Variants in KCNH8 observed in about 807,000 individuals in gnomAD.
The protein encoded by KCNH8 is voltage-gated delayed rectifier potassium channel KCNH8.
In KCNH8, 70 loss-of-function variants were observed where a neutral mutation model predicts 103.6. The ratio of observed to expected loss-of-function variants is 0.68; its 90% CI spans 0.56 to 0.82. The LOEUF (loss-of-function observed/expected upper bound fraction) is 0.82. KCNH8 is among the 40% of genes least tolerant of loss of function. The pLI, the probability that KCNH8 is intolerant of heterozygous loss-of-function variation, is 0.00. For synonymous variants in KCNH8, 498 were observed against 489.4 expected (o/e 1.02, Z -0.23); for missense variants, 1,217 against 1,329.9 (o/e 0.92, Z 1.32).
At chr3:19,473,206 GTCT>G (rs2067899546) in intron 11 of KCNH8, among the ~76,000 whole-genome samples, 1 of 152,298 alleles carries the variant, frequency 6.6e-6, no homozygotes, top group Non-Finnish European at 1.5e-5. Context: ...AAATGGGTTA[GTCT>G]TCTTCTGATT....
At chr3:19,419,381 T>C (rs1368957121) in intron 7 of KCNH8, among the ~76,000 whole-genome samples, 2 of 151,192 alleles carry the variant, frequency 1.3e-5, no homozygotes, top group Admixed American at 6.6e-5. Flanking sequence ...TTTGTATTTT[T>C]AGTAGAGACG....
At chr3:19,404,656 G>C (rs190624541) in intron 7 of KCNH8, among the ~76,000 whole-genome samples, 63 of 151,914 alleles carry the variant, frequency 4.1e-4, no homozygotes, top group African/African-American at 1.4e-3. Flanking sequence ...TGATCTTAGG[G>C]TGGCCTAAAA....
chr3:19,331,944 G>A (rs1166672326), intron 3 of KCNH8, among the ~76,000 whole-genome samples: 2 of 151,990 alleles, frequency 1.3e-5, no homozygotes, highest in African/African-American at 4.8e-5. Context: ...TGTTTTACTT[G>A]TGAAGATCCA....
chr3:19,204,032 T>G (rs2063688990), intron 1 of KCNH8, among the ~76,000 whole-genome samples: 1 of 152,118 alleles, frequency 6.6e-6, no homozygotes, highest in Admixed American at 6.6e-5. Context: ...CAATATATTT[T>G]AAAACCAAAT....
At chr3:19,266,883 C>T (rs1016229800) in intron 2 of KCNH8, among the ~76,000 whole-genome samples, 1 of 152,024 alleles carries the variant, frequency 6.6e-6, no homozygotes, top group Non-Finnish European at 1.5e-5. Flanking sequence ...AATTCCTTTG[C>T]TGGAATATTT....
intron 11 of KCNH8, among the ~76,000 whole-genome samples, chr3:19,490,528 T>G (rs2068296517): frequency 1.3e-5 from 2 of 152,204 alleles, no homozygotes; most frequent in South Asian, 2.1e-4. Flanking sequence ...ATGTCTGTAA[T>G]CTATAGATAA....
At chr3:19,523,804 T>G (rs189649796) in intron 15 of KCNH8, among the ~76,000 whole-genome samples, 6 of 151,944 alleles carry the variant, frequency 3.9e-5, no homozygotes, top group Admixed American at 3.9e-4. Flanking sequence ...TAGGAAAATT[T>G]TGTTTCTCAT....
At chr3:19,480,784 A>G (rs1265839201) in intron 11 of KCNH8, among the ~76,000 whole-genome samples, 2 of 152,206 alleles carry the variant, frequency 1.3e-5, no homozygotes, top group East Asian at 1.9e-4. Flanking sequence ...TACAGATAGT[A>G]TGAGTACTAA....
intron 3 of KCNH8, among the ~76,000 whole-genome samples, chr3:19,298,718 C>T (rs575271906): frequency 4.1e-4 from 62 of 151,794 alleles, no homozygotes; most frequent in African/African-American, 1.3e-3. Context: ...GTCAGGAGAT[C>T]GAGACCATCC....
chr3:19,450,086 T>C lies in KCNH8; in HGVS notation c.1376-20T>C, dbSNP rs151112283. Reference sequence around the variant, plus strand: ...CATGTCACATTTCTCTTCCATTATATACTGTGTTGTTCTTTCTAGCCTTGA... The same window carrying C: ...CATGTCACATTTCTCTTCCATTATACACTGTGTTGTTCTTTCTAGCCTTGA... On this transcript the variant is annotated intron_variant, in intron 8 of 15. Coordinates refer to ENST00000328405, the MANE Select transcript of KCNH8 (RefSeq NM_144633.3). The C allele has an allele frequency of 1.2e-6, 2 of 1,606,220 alleles. No homozygotes were observed. Among genetic ancestry groups the C allele is most frequent in the Non-Finnish European group, 1.7e-6 (2 of 1,173,624 alleles).
At chr3:19,220,457 G>A (rs906394759) in intron 1 of KCNH8, among the ~76,000 whole-genome samples, 1 of 152,238 alleles carries the variant, frequency 6.6e-6, no homozygotes. Flanking sequence ...GGTAAGATTG[G>A]TGACGTGTAG....
rs529181856 is a variant in KCNH8, at chr3:19,160,449, G to A, written c.76+11654G>A. ...ATCATGTAACCACCACCACAGTCAA[G>A]ATTTAGAACAACATCCTCAGCCCCA... On this transcript the variant is annotated intron_variant, in intron 1 of 15. Coordinates refer to ENST00000328405, the MANE Select transcript of KCNH8 (RefSeq NM_144633.3). Among the ~76,000 whole-genome samples, 4 of 152,170 alleles carry A rather than the reference G, an allele frequency of 2.6e-5. No individual in the cohort carries two copies. In the South Asian group the frequency reaches 8.3e-4, roughly 32 times the overall value.
chr3:19,515,170 A>G, intron 13 of KCNH8, 152 bp from the exon 14 acceptor site: 1 of 398,542 alleles, frequency 2.5e-6, no homozygotes, highest in Non-Finnish European at 4.4e-6. Flanking sequence ...AGTACTCAAT[A>G]GCAATATAAG....
intron 1 of KCNH8, among the ~76,000 whole-genome samples, chr3:19,224,921 G>C (rs1049058433): frequency 1.3e-5 from 2 of 152,108 alleles, no homozygotes; most frequent in Admixed American, 6.5e-5. Context: ...TTCTAACACA[G>C]AGATGGCTTT....
At chr3:19,196,799 A>T (rs1188531182) in intron 1 of KCNH8, among the ~76,000 whole-genome samples, 1 of 152,082 alleles carries the variant, frequency 6.6e-6, no homozygotes, top group Non-Finnish European at 1.5e-5. Context: ...AAAATGTTTG[A>T]TACCTATATG....
chr3:19,245,814 TG>T (rs1370453861), intron 1 of KCNH8, among the ~76,000 whole-genome samples: 3 of 152,202 alleles, frequency 2.0e-5, no homozygotes, highest in African/African-American at 7.2e-5. Flanking sequence ...ATACTGAAAG[TG>T]TTTATCAGTT....
intron 5 of KCNH8, among the ~76,000 whole-genome samples, chr3:19,365,026 G>T (rs1171564118): frequency 1.3e-5 from 2 of 152,004 alleles, no homozygotes; most frequent in Non-Finnish European, 2.9e-5. Flanking sequence ...GATGTAATAG[G>T]CTTATGTTTA....
intron 7 of KCNH8, among the ~76,000 whole-genome samples, chr3:19,422,027 A>G (rs1004391029): frequency 7.2e-5 from 11 of 152,118 alleles, no homozygotes; most frequent in Non-Finnish European, 1.5e-4. Flanking sequence ...AGATGCAAAG[A>G]ACATGAGATA....
chr3:19,492,202 G>C (rs1371792557), intron 11 of KCNH8, among the ~76,000 whole-genome samples: 1 of 151,762 alleles, frequency 6.6e-6, no homozygotes, highest in Admixed American at 6.6e-5. Flanking sequence ...GTCATTTTTT[G>C]TTTTCACTGC....
Sources: allele counts gnomAD v4.1 joint callset (sites outside exome capture counted in the v4.1 genomes callset), GRCh38; gene constraint gnomAD v4.1.1; transcripts MANE v1.5; gene names NCBI Gene and HGNC (gene_info 2026-07-23, HGNC 2026-07-21).